The following IARS2 variants were observed in gnomAD, a reference collection of about 807,000 sequenced individuals.
IARS2 encodes isoleucyl-tRNA synthetase 2, mitochondrial, also known as isoleucine--tRNA ligase, mitochondrial.
In IARS2, 56 loss-of-function variants were observed where a neutral mutation model predicts 126.3. The ratio of observed to expected loss-of-function variants is 0.44; its 90% confidence interval spans 0.36 to 0.55. The LOEUF is 0.55. Among genes scored for constraint, IARS2 ranks in the 20% least tolerant of loss-of-function variants. The pLI, the probability that IARS2 is intolerant of heterozygous loss-of-function variation, is 0.00. For synonymous variants in IARS2, 407 were observed against 441.1 expected, an observed-to-expected ratio of 0.92 and a Z score of 0.97; for missense variants, 1,127 against 1,245.9, an observed-to-expected ratio of 0.90 and a Z score of 1.44.
At position 220,126,821 on chromosome 1, in the gene IARS2, T is replaced by G; in HGVS notation, c.1815T>G (p.Thr605=). 6 of 1,612,450 alleles carry G rather than the reference T, an allele frequency of 3.7e-6. No individual in the cohort carries two copies. Among genetic ancestry groups the G allele is most frequent in the Non-Finnish European group, 5.1e-6 (6 of 1,179,408 alleles). The change falls in exon 14 of 23, where the codon ACT becomes ACG. Residue 605 remains threonine, a synonymous_variant. Coordinates refer to ENST00000366922, the MANE Select transcript of IARS2 (RefSeq NM_018060.4). ...TGGACATCTGGTTTGATAGCGGAAC[T>G]TCATGGTCTTATGTTCTTCCAGGTA... ...DILDIWFDSG[T]SWSYVLPGPD... is the part of the protein sequence containing the mutation.
chr1:220,105,860 G>T lies in IARS2; in HGVS notation c.1067-31G>T, dbSNP rs750949355. The stretch of plus-strand genomic sequence containing the variant: ...AGGAGATAGATTTGCCATATAAAAT[G>T]ATTCTTAATAGTGGTTTTCTTTCCC... On this transcript the variant is annotated intron_variant, in intron 8 of 22. Coordinates refer to ENST00000366922, the MANE Select transcript of IARS2 (RefSeq NM_018060.4). 1.7e-5 allele frequency: 27 copies of T among 1,592,832 alleles called. No individual in the cohort carries two copies. The Admixed American group carries it at 4.2e-4, about 25-fold the overall frequency.
chr1:220,095,723 G>A (rs1656425227), intron 1 of IARS2, among the ~76,000 whole-genome samples: 1 of 152,180 alleles, frequency 6.6e-6, no homozygotes, highest in Non-Finnish European at 1.5e-5. Flanking sequence ...AAGCATTGCC[G>A]CCAAAGAATA....
Position 220,145,605 on chromosome 1 carries a change from A to C in IARS2, c.2848A>C (p.Thr950Pro), listed in dbSNP as rs1657570498. ...ACTGGCTCAGGAACCACGAGAGATG[A>C]CTGCAGATGTAATCGAGCTTAAAGG... ...TLLAQEPREM[T>P]ADVIELKGKF... The change falls in exon 22 of 23, where the codon ACT becomes CCT. Residue 950 changes from threonine to proline, a missense_variant. Transcript: ENST00000366922. 7 of 1,613,808 alleles carry C rather than the reference A, an allele frequency of 4.3e-6. No individual in the cohort carries two copies. The highest frequency in any genetic ancestry group is 5.9e-6 in the Non-Finnish European group (7 of 1,179,790).
At chr1:220,143,175 A>T (rs549813715) in intron 21 of IARS2, 41 bp downstream of exon 21, 3 of 1,462,088 alleles carry the variant, frequency 2.1e-6, no homozygotes, top group South Asian at 2.8e-5. Context: ...TGTTAGTATC[A>T]TAGAGCTTTG....
rs1191491977 is a variant in IARS2, at chr1:220,136,657, GAAGAA to G, written c.1947-138_1947-134del. On this transcript the variant is annotated intron_variant, in intron 15 of 22. Transcript: ENST00000366922. ...CTCAAAAAAAAAAAAAAAAAAAAGA[GAAGAA>G]AAGAAAAGAAAAGGTTTTATTCATA... 1.6e-3 allele frequency: 642 copies of G among 396,088 alleles called. 2 individuals are homozygous for G. The highest frequency in any genetic ancestry group is 2.1e-3 in the Middle Eastern group (3 of 1,460). The allele number at this position is 396,088 out of a possible 1,614,324, so 24.5% of individuals were successfully genotyped here.
chr1:220,129,938 T>G (rs1231428024), intron 14 of IARS2, among the ~76,000 whole-genome samples: 2 of 152,228 alleles, frequency 1.3e-5, no homozygotes, highest in Non-Finnish European at 2.9e-5. Context: ...CTCCATAATG[T>G]TTTTTATAAT....
intron 1 of IARS2, among the ~76,000 whole-genome samples, chr1:220,095,286 G>A (rs2577153): frequency 0.039 from 5,867 of 152,092 alleles, 372 homozygotes; most frequent in African/African-American, 0.13. Context: ...TGATCTTCCC[G>A]CCTCGGCCTC....
At chr1:220,138,327 T>C (rs1265900613) in intron 17 of IARS2, among the ~76,000 whole-genome samples, 1 of 151,986 alleles carries the variant, frequency 6.6e-6, no homozygotes. Context: ...AAAAATTAGC[T>C]GGGCATGGTG....
At chr1:220,136,412 G>T (rs909494107) in intron 15 of IARS2, among the ~76,000 whole-genome samples, 1 of 152,164 alleles carries the variant, frequency 6.6e-6, no homozygotes, top group Non-Finnish European at 1.5e-5. Flanking sequence ...GATTACAGGC[G>T]TGAGCCACTG....
In IARS2 at chr1:220,110,933, C is replaced by T. The variant is rs373126130; in HGVS notation, c.1475C>T (p.Ala492Val). Residue 492 changes from alanine to valine, a missense_variant, in exon 11 of 23, where the codon GCC (alanine) becomes GTC (valine). Transcript: ENST00000366922. ...FINITDIKTA[A>V]KELLKKVKFI... is the part of the protein sequence containing the mutation. ...AACATCACGGATATTAAGACTGCAG[C>T]CAAGGTATAAAAAGCATCCTGTTTT... 2.5e-6 allele frequency: 4 copies of T among 1,611,212 alleles called. No individual in the cohort carries two copies. The African/African-American group carries it at 5.4e-5, about 22-fold the overall frequency.
At chr1:220,103,668 C>T in intron 8 of IARS2, 106 bp downstream of exon 8, 2 of 653,564 alleles carry the variant, frequency 3.1e-6, no homozygotes, top group East Asian at 2.7e-5. Flanking sequence ...GATATGGCCT[C>T]TACCTTTCTA....
intron 11 of IARS2, among the ~76,000 whole-genome samples, chr1:220,111,598 A>ATATATATATATATATGTGTGTG (rs374024744): frequency 7.4e-6 from 1 of 134,838 alleles, no homozygotes; most frequent in African/African-American, 2.7e-5. Context: ...ATATATATAT[A>ATATATATATATATATGTGTGTG]TGTGTGTGTG....
At chr1:220,140,106 G>C in intron 18 of IARS2, 77 bp from the exon 19 acceptor site, 2 of 780,654 alleles carry the variant, frequency 2.6e-6, no homozygotes, top group East Asian at 2.5e-5. Context: ...TTTGAAAGGA[G>C]CATATTTTGC....
intron 12 of IARS2, among the ~76,000 whole-genome samples, chr1:220,116,262 C>G (rs1188099818): frequency 6.6e-6 from 1 of 152,130 alleles, no homozygotes; most frequent in Non-Finnish European, 1.5e-5. Flanking sequence ...CGTGTCAGTG[C>G]TAGGAACTGC....
rs773045093 is a variant in IARS2, at chr1:220,142,946, C to T, written c.2563C>T (p.Pro855Ser). Residue 855 changes from proline (P) to serine (S), a missense_variant and splice_region_variant, in exon 21 of 23, where the codon CCC becomes TCC. Coordinates refer to ENST00000366922, the MANE Select transcript of IARS2 (RefSeq NM_018060.4). Reference sequence around the variant, plus strand: ...TTACTATTTTTGTTCTTCTGAAGAGCCCAAGAGTGTTTTCCGTACTGGGTG... The same window carrying T: ...TTACTATTTTTGTTCTTCTGAAGAGTCCAAGAGTGTTTTCCGTACTGGGTG... ...VFQHIPYIKE[P>S]KSVFRTGWIS... 3.1e-6 allele frequency: 5 copies of T among 1,605,508 alleles called. No homozygotes were observed. Among genetic ancestry groups the T allele is most frequent in the Non-Finnish European group, 4.3e-6 (5 of 1,174,414 alleles).
intron 10 of IARS2, among the ~76,000 whole-genome samples, chr1:220,109,254 G>A (rs969446919): frequency 2.0e-5 from 3 of 152,086 alleles, no homozygotes; most frequent in African/African-American, 4.8e-5. Context: ...CAAAAAATTA[G>A]CCAGGTGTGG....
At chr1:220,100,747 C>T (rs921893957) in intron 3 of IARS2, 98 bp downstream of exon 3, 9 of 885,660 alleles carry the variant, frequency 1.0e-5, no homozygotes, top group East Asian at 5.6e-5. Context: ...GTTTGGGTTT[C>T]GTTTGCTTAT....
intron 17 of IARS2, 63 bp from the exon 18 acceptor site, chr1:220,138,945 T>G: frequency 7.0e-7 from 1 of 1,430,292 alleles, no homozygotes; most frequent in African/African-American, 1.4e-5. Flanking sequence ...AAATAACTTT[T>G]CAGTGAAAAT....
intron 11 of IARS2, 62 bp downstream of exon 11, chr1:220,110,999 C>T: frequency 6.8e-7 from 1 of 1,476,488 alleles, no homozygotes; most frequent in African/African-American, 1.4e-5. Context: ...AAAGGGGCTG[C>T]ATGTGAGGTT....
Sources: allele counts gnomAD v4.1 joint callset (sites outside exome capture counted in the v4.1 genomes callset), GRCh38; gene constraint gnomAD v4.1.1; transcripts MANE v1.5; gene names NCBI Gene and HGNC (gene_info 2026-07-23, HGNC 2026-07-21).